PRKAR1B: variants seen among roughly 807,000 people sequenced by gnomAD.
PRKAR1B encodes the protein cAMP-dependent protein kinase type I-beta regulatory subunit.
Under a neutral mutation model 46.5 loss-of-function variants are expected in PRKAR1B, and 22 were observed. The ratio of observed to expected loss-of-function variants is 0.47; its 90% CI spans 0.34 to 0.68. PRKAR1B has a LOEUF of 0.68. PRKAR1B is among the 30% of genes least tolerant of loss of function. PRKAR1B has a pLI of 0.01. For missense variants in PRKAR1B, 445 were observed against 535.6 expected (o/e 0.83, Z 1.67); for synonymous variants, 259 against 217.7 (o/e 1.19, Z -1.67).
chr7:595,106 G>C (rs142069685), intron 7 of PRKAR1B, among the ~76,000 whole-genome samples: 1 of 152,154 alleles, frequency 6.6e-6, no homozygotes, highest in African/African-American at 2.4e-5. Flanking sequence ...GCGGGTCCTC[G>C]GCCTGGAGCC....
intron 4 of PRKAR1B, among the ~76,000 whole-genome samples, chr7:637,460 C>A (rs898147106): frequency 1.3e-5 from 2 of 151,946 alleles, no homozygotes; most frequent in Non-Finnish European, 2.9e-5. Context: ...ATGCTTTATA[C>A]AGTCTTTAAA....
chr7:606,608 G>A (rs1583291342), intron 5 of PRKAR1B, among the ~76,000 whole-genome samples: 1 of 152,010 alleles, frequency 6.6e-6, no homozygotes, highest in Admixed American at 6.6e-5. Context: ...ACCACGCCCA[G>A]CTAATTTTTT....
At chr7:572,324 T>C (rs1469811319) in intron 9 of PRKAR1B, among the ~76,000 whole-genome samples, 3 of 152,176 alleles carry the variant, frequency 2.0e-5, no homozygotes, top group Non-Finnish European at 2.9e-5. Flanking sequence ...TCTGAGGGGC[T>C]GGCAGCTCCC....
At chr7:690,441 C>A (rs1279262578) in intron 2 of PRKAR1B, among the ~76,000 whole-genome samples, 1 of 151,988 alleles carries the variant, frequency 6.6e-6, no homozygotes, top group Non-Finnish European at 1.5e-5. Context: ...TGCACACGTA[C>A]CCCCAAACCT....
rs944957324 is a variant in PRKAR1B at position 581,423 on chromosome 7, G to C, written c.770-2046C>G. 5.9e-5 allele frequency among the ~76,000 whole-genome samples: 9 copies of C among 152,238 alleles called. No individual in the cohort carries two copies. The South Asian group carries it at 1.0e-3, about 18-fold the overall frequency. Reference sequence around the variant, plus strand: ...CACACCTGACAATTAAATGATGCAGGTGATTTTTTAGAGCAATTATGGTTT... The same window carrying C: ...CACACCTGACAATTAAATGATGCAGCTGATTTTTTAGAGCAATTATGGTTT... On this transcript the variant is annotated intron_variant, in intron 8 of 10. Transcript: ENST00000537384.
rs1784108355 is a variant in PRKAR1B at position 550,435 on chromosome 7, C to T, written c.1141G>A (p.Val381Ile). 3 of 1,588,234 alleles carry T rather than the reference C, an allele frequency of 1.9e-6. No homozygotes were observed. Among genetic ancestry groups the T allele is most frequent in the Non-Finnish European group, 2.6e-6 (3 of 1,167,814 alleles). The change falls in exon 11 of 11, where the codon GTC becomes ATC. Residue 381 changes from valine to isoleucine, a missense_variant. This residue lies in a region of PRKAR1B where 127 missense variants were observed against 138.0 expected (regional missense o/e 0.92). Coordinates refer to ENST00000537384, the MANE Select transcript of PRKAR1B (RefSeq NM_001164760.2). ...QRYNSFISLT[V>I] ...CTGCAGGGCGGGAGCTGTGCTCAGACGGTGAGGGAGATGAAGCTGTTGTAA... is the reference window on the plus strand; with the variant it reads ...CTGCAGGGCGGGAGCTGTGCTCAGATGGTGAGGGAGATGAAGCTGTTGTAA...
At chr7:598,018 C>T (rs1399336118) in intron 6 of PRKAR1B, among the ~76,000 whole-genome samples, 1 of 152,192 alleles carries the variant, frequency 6.6e-6, no homozygotes, top group Non-Finnish European at 1.5e-5. Context: ...TGTCTATCCA[C>T]GCTGCAGGTG....
intron 2 of PRKAR1B, among the ~76,000 whole-genome samples, chr7:703,357 C>G (rs1780157549): frequency 6.6e-6 from 1 of 152,092 alleles, no homozygotes; most frequent in Non-Finnish European, 1.5e-5. Flanking sequence ...AAAGAATCAG[C>G]AAGAATGGGC....
intron 9 of PRKAR1B, among the ~76,000 whole-genome samples, chr7:576,862 C>A (rs1348758934): frequency 2.6e-5 from 4 of 152,170 alleles, no homozygotes; most frequent in African/African-American, 4.8e-5. Context: ...GGGGCCCGAG[C>A]CTGGGTCTCC....
chr7:651,993 CGG>C (rs2128490394), intron 4 of PRKAR1B, among the ~76,000 whole-genome samples: 2 of 71,764 alleles, frequency 2.8e-5, no homozygotes, highest in African/African-American at 1.3e-4. Context: ...CACACCCACA[CGG>C]AGCTAGGAAC....
At chr7:703,385 GCCTGTAATCCCA>G (rs1780158874) in intron 2 of PRKAR1B, among the ~76,000 whole-genome samples, 1 of 152,186 alleles carries the variant, frequency 6.6e-6, no homozygotes, top group Admixed American at 6.5e-5. Flanking sequence ...AGTGGCTCAT[GCCTGTAATCCCA>G]CCACTTTGGG....
At chr7:609,716 T>C (rs1377591133) in intron 4 of PRKAR1B, among the ~76,000 whole-genome samples, 2 of 152,196 alleles carry the variant, frequency 1.3e-5, no homozygotes, top group Non-Finnish European at 2.9e-5. Context: ...GGAAGCTTCT[T>C]TGCTCCTTTT....
At chr7:679,575 G>T (rs368609171) in intron 3 of PRKAR1B, among the ~76,000 whole-genome samples, 1 of 152,220 alleles carries the variant, frequency 6.6e-6, no homozygotes, top group African/African-American at 2.4e-5. Context: ...AAGGAATGGG[G>T]TGTGCGTGTT....
intron 4 of PRKAR1B, among the ~76,000 whole-genome samples, chr7:651,843 A>C (rs1264530704): frequency 1.5e-4 from 10 of 65,086 alleles, no homozygotes; most frequent in Admixed American, 4.6e-4. Context: ...ACCCACACGG[A>C]GCTAGGAACC....
chr7:712,817 C>A (rs574026595), intron 1 of PRKAR1B: 1 of 150,716 alleles, frequency 6.6e-6, no homozygotes. Context: ...CCGCCCCGTT[C>A]ACGACCACCG....
chr7:562,770 C>G (rs948330471), intron 9 of PRKAR1B, among the ~76,000 whole-genome samples: 5 of 152,228 alleles, frequency 3.3e-5, no homozygotes, highest in Non-Finnish European at 7.3e-5. Context: ...TCTCTTCCTC[C>G]CTGGATCTTC....
rs1781119191 is a variant in PRKAR1B, at chr7:593,800, C to A, written c.708+2346G>T. 6.6e-6 allele frequency among the ~76,000 whole-genome samples: 1 copy of A among 152,192 alleles called. No individual in the cohort carries two copies. Among genetic ancestry groups the A allele is most frequent in the Non-Finnish European group, 1.5e-5 (1 of 68,022 alleles). On this transcript the variant is annotated intron_variant, in intron 7 of 10. Transcript: ENST00000537384. The surrounding 1 kb of genome is among the most constrained non-coding windows in gnomAD (Gnocchi z 6.1). ...TCATCTGTTCTGTGTACTGGAGTAT[C>A]CCCAGCAGCACAGGAGCCCCAGACC...
In PRKAR1B at chr7:711,443, G is replaced by A. The variant is rs140735639; in HGVS notation, c.63C>T (p.Tyr21=). The A allele has an allele frequency of 5.0e-5, 80 of 1,614,210 alleles. 1 individual carries two copies. The Middle Eastern group carries it at 6.6e-4, about 13-fold the overall frequency. The change falls in exon 2 of 11, where the codon TAC becomes TAT. Residue 21 remains tyrosine (Y), a synonymous_variant. Coordinates refer to ENST00000537384, the MANE Select transcript of PRKAR1B (RefSeq NM_001164760.2). ...EDESLKGCEL[Y]VQLHGIQQVL... ...CCTGCTGGATCCCGTGCAGCTGCAC[G>A]TACAGCTCACAGCCCTTCAGGCTCT...
At chr7:705,111 G>A (rs1001237777) in intron 2 of PRKAR1B, among the ~76,000 whole-genome samples, 1 of 151,856 alleles carries the variant, frequency 6.6e-6, no homozygotes, top group Admixed American at 6.6e-5. Flanking sequence ...GGCCAACATG[G>A]TGAAACCCCA....
Sources: gnomAD v4.1 joint callset for allele counts (sites outside exome capture counted in the v4.1 genomes callset) on GRCh38, gnomAD v4.1.1 for gene constraint, gnomAD v4.1.1 regional missense constraint, Gnocchi (gnomAD v3.1) non-coding constraint, MANE v1.5 for transcripts, NCBI Gene and HGNC (gene_info 2026-07-23, HGNC 2026-07-21) for gene names.